The following KCNJ18 variants were observed in gnomAD, a reference collection of about 807,000 sequenced individuals.
KCNJ18 encodes potassium inwardly rectifying channel subfamily J member 18.
A neutral mutation model predicts 17.3 loss-of-function variants in KCNJ18; 16 were observed. That is an observed-to-expected ratio of 0.92 (90% confidence interval 0.62 to 1.40). The LOEUF (loss-of-function observed/expected upper bound fraction) is 1.40. Among genes scored for constraint, KCNJ18 ranks in the 40% most tolerant of loss-of-function variants. The probability of loss-of-function intolerance (pLI) is 0.00; values close to 1 mark genes in which losing one functional copy is unlikely to be tolerated. For synonymous variants in KCNJ18, 185 were observed against 262.6 expected (o/e 0.70, Z 2.86); for missense variants, 462 against 626.8 (o/e 0.74, Z 2.81).
intron 2 of KCNJ18, among the ~76,000 whole-genome samples, chr17:21,700,596 G>A (rs1477563349): frequency 9.0e-6 from 1 of 111,328 alleles, no homozygotes; most frequent in African/African-American, 3.2e-5. Context: ...GTTTGGAGCA[G>A]AGCTCAGAGG....
chr17:21,695,440 A>G (rs1905731381), intron 1 of KCNJ18, among the ~76,000 whole-genome samples: 1 of 140,284 alleles, frequency 7.1e-6, no homozygotes, highest in African/African-American at 2.6e-5. Flanking sequence ...CCACCTATCC[A>G]TCATCCATCC....
At chr17:21,697,812 G>A (rs1350722651) in intron 2 of KCNJ18, among the ~76,000 whole-genome samples, 8 of 152,310 alleles carry the variant, frequency 5.3e-5, no homozygotes, top group African/African-American at 1.7e-4. Flanking sequence ...CCCCAGTGCT[G>A]CATCTGATGA....
In KCNJ18 at chr17:21,702,728, C is replaced by T. The variant is rs1296552219; in HGVS notation, c.-56-3C>T. Reference sequence around the variant, plus strand: ...GCCAGACATGCTGTCCTCTCTGTTCCAGGAGCCGCCCTGCCTGGAGCTAGC... The same window carrying T: ...GCCAGACATGCTGTCCTCTCTGTTCTAGGAGCCGCCCTGCCTGGAGCTAGC... On this transcript the variant is annotated splice_region_variant and splice_polypyrimidine_tract_variant and intron_variant, in intron 2 of 2. Coordinates refer to ENST00000567955, the MANE Select transcript of KCNJ18 (RefSeq NM_001194958.2). 6 of 1,528,132 alleles carry T rather than the reference C, an allele frequency of 3.9e-6. No homozygotes were observed. Among genetic ancestry groups the T allele is most frequent in the Admixed American group, 2.0e-5 (1 of 51,188 alleles). 94.7% of individuals were successfully genotyped at this position (1,528,132 alleles called of 1,614,324 possible). A position where few individuals can be genotyped will look rare whatever the true frequency, so the allele number is the denominator to read the frequency against.
At chr17:21,693,723 G>A (rs1278917387) in intron 1 of KCNJ18, among the ~76,000 whole-genome samples, 3 of 152,406 alleles carry the variant, frequency 2.0e-5, no homozygotes, top group South Asian at 2.1e-4. Flanking sequence ...AGTCCCTGCC[G>A]TGGAGGTCCC....
Position 21,700,717 on chromosome 17 carries a change from T to G in KCNJ18, c.-56-2014T>G, listed in dbSNP as rs1206156513. ...CTCCTGCCTATGGGACTGGGACAAG[T>G]CCATTCTGGCTTCTGGGCCTCCAGG... On this transcript the variant is annotated intron_variant, in intron 2 of 2. Transcript: ENST00000567955. Among the ~76,000 whole-genome samples the G allele has an allele frequency of 3.5e-5, 3 of 86,798 alleles. 1 individual carries two copies. Among genetic ancestry groups the G allele is most frequent in the Non-Finnish European group, 6.9e-5 (3 of 43,258 alleles). The allele number at this position is 86,798 out of a possible 152,430, so 56.9% of individuals were successfully genotyped here. A position where few individuals can be genotyped will look rare whatever the true frequency, so the allele number is the denominator to read the frequency against.
chr17:21,702,849 C>T lies in KCNJ18; in HGVS notation c.63C>T (p.His21=). ...TGTCATTGGAGGAGGACGGGCTGCA[C>T]CTGGTCACCATGTCGGGCGCCAACG... The part of the protein sequence containing the change: ...SIVSLEEDGL[H]LVTMSGANGF... Residue 21 remains histidine, a synonymous_variant, in exon 3 of 3, where the codon CAC becomes CAT. Coordinates refer to ENST00000567955, the MANE Select transcript of KCNJ18 (RefSeq NM_001194958.2). The T allele has an allele frequency of 6.2e-7, 1 of 1,600,158 alleles. No homozygotes were observed. Among genetic ancestry groups the T allele is most frequent in the Non-Finnish European group, 8.5e-7 (1 of 1,178,120 alleles).
intron 2 of KCNJ18, among the ~76,000 whole-genome samples, chr17:21,701,917 GAAAAA>G (rs1158263106): frequency 3.8e-5 from 1 of 26,238 alleles, no homozygotes. Flanking sequence ...GTCTAAAAAA[GAAAAA>G]AAAAAGAAAA....
At position 21,702,826 on chromosome 17, in the gene KCNJ18, T is replaced by C. The variant is rs1845520562; in HGVS notation, c.40T>C (p.Ser14Pro). ...ASRANPYSIV[S>P]LEEDGLHLVT... ...CCGGGCCAACCCCTACAGCATCGTG[T>C]CATTGGAGGAGGACGGGCTGCACCT... is the stretch of plus-strand genomic sequence containing the variant. The change falls in exon 3 of 3, where the codon TCA becomes CCA. Residue 14 changes from serine (S) to proline (P), a missense_variant. Ser to Pro is a moderately conservative substitution (Grantham distance 74). Coordinates refer to ENST00000567955, the MANE Select transcript of KCNJ18 (RefSeq NM_001194958.2). 4 of 1,597,638 alleles carry C rather than the reference T, an allele frequency of 2.5e-6. No homozygotes were observed. In the Admixed American group the frequency reaches 6.7e-5, roughly 27 times the overall value.
In KCNJ18 at chr17:21,702,854, T is replaced by A; in HGVS notation, c.68T>A (p.Val23Asp). The A allele has an allele frequency of 1.2e-6, 2 of 1,600,376 alleles. No individual in the cohort carries two copies. The highest frequency in any genetic ancestry group is 4.5e-5 in the East Asian group (2 of 44,366). Residue 23 changes from valine (V) to aspartate (D), a missense_variant, in exon 3 of 3, where the codon GTC (valine) becomes GAC (aspartate). Val to Asp is a radical substitution (Grantham distance 152, BLOSUM62 -3). Around this residue, in one of 5 missense-constraint regions of KCNJ18, gnomAD observed 237 missense variants for 259.4 expected, o/e 0.91. Transcript: ENST00000567955. ...TTGGAGGAGGACGGGCTGCACCTGG[T>A]CACCATGTCGGGCGCCAACGGCTTC... ...VSLEEDGLHLVTMSGANGFGN... is the reference protein window; with the variant it reads ...VSLEEDGLHLDTMSGANGFGN...
At position 21,704,027 on chromosome 17, in the gene KCNJ18, G is replaced by C; in HGVS notation, c.1241G>C (p.Arg414Thr). 5 of 1,585,338 alleles carry C rather than the reference G, an allele frequency of 3.2e-6. No homozygotes were observed. The highest frequency in any genetic ancestry group is 4.3e-6 in the Non-Finnish European group (5 of 1,165,958). Residue 414 changes from arginine (R) to threonine (T), a missense_variant, in exon 3 of 3, where the codon AGA becomes ACA. Arg to Thr is a moderately conservative substitution (Grantham distance 71). Around this residue, in one of 5 missense-constraint regions of KCNJ18, gnomAD observed 123 missense variants for 117.5 expected, o/e 1.05. Coordinates refer to ENST00000567955, the MANE Select transcript of KCNJ18 (RefSeq NM_001194958.2). ...CCCCAGGCCAGGCATGACTTTGACA[G>C]ACTCCAGGCTGGCGGCGGGGTCCTG... ...LSPQARHDFD[R>T]LQAGGGVLEQ...
chr17:21,696,735 G>A (rs1181833651), intron 2 of KCNJ18, among the ~76,000 whole-genome samples: 4 of 152,122 alleles, frequency 2.6e-5, no homozygotes, highest in Admixed American at 1.3e-4. Flanking sequence ...CGGAGGAGAA[G>A]GCAGCTCAGT....
At position 21,701,625 on chromosome 17, in the gene KCNJ18, G is replaced by T. The variant is rs1191347222; in HGVS notation, c.-56-1106G>T. 1.2e-4 allele frequency among the ~76,000 whole-genome samples: 19 copies of T among 152,352 alleles called. No individual in the cohort carries two copies. The East Asian group carries it at 3.7e-3, about 29-fold the overall frequency. On this transcript the variant is annotated intron_variant, in intron 2 of 2. Transcript: ENST00000567955. ...TTCTAGGCCCTGGGAAGGACAACAA[G>T]AAGCAAAAGAGAAAACGTCTCACGC...
At chr17:21,700,140 G>A (rs1445399243) in intron 2 of KCNJ18, among the ~76,000 whole-genome samples, 1 of 152,178 alleles carries the variant, frequency 6.6e-6, no homozygotes, top group Non-Finnish European at 1.5e-5. Context: ...GGCAGAAGCA[G>A]TGTCCACCAT....
In KCNJ18 at chr17:21,704,141, G is replaced by A. The variant is rs1341586690; in HGVS notation, c.*53G>A. The A allele has an allele frequency of 5.4e-6, 8 of 1,473,100 alleles. No homozygotes were observed. The highest frequency in any genetic ancestry group is 2.5e-4 in the Middle Eastern group (1 of 3,976). 91.3% of individuals were successfully genotyped at this position (1,473,100 alleles called of 1,614,324 possible). ...ACCCCTGGCCGGGGAGAGGCCCCGC[G>A]GTCGCTCAGGGGCCCTGGGTTTGAG... On this transcript the variant is annotated 3_prime_UTR_variant, in exon 3 of 3. Coordinates refer to ENST00000567955, the MANE Select transcript of KCNJ18 (RefSeq NM_001194958.2).
At position 21,703,164 on chromosome 17, in the gene KCNJ18, G is replaced by C. The variant is rs1906028871; in HGVS notation, c.378G>C (p.Gln126His). The C allele has an allele frequency of 2.5e-6, 4 of 1,610,644 alleles. No individual in the cohort carries two copies. The highest frequency in any genetic ancestry group is 3.4e-6 in the Non-Finnish European group (4 of 1,179,132). ...EGHGRTPCVM[Q>H]VHGFMAAFLF... The stretch of plus-strand genomic sequence containing the variant: ...ACGGCCGCACACCCTGTGTGATGCA[G>C]GTGCACGGCTTCATGGCGGCCTTCC... The change falls in exon 3 of 3, where the codon CAG becomes CAC. Residue 126 changes from glutamine (Q) to histidine (H), a missense_variant. By Grantham distance (24) the Gln-to-His change is conservative. Transcript: ENST00000567955.
rs1279517677 is a variant in KCNJ18, at chr17:21,696,661, T to C, written c.-57+557T>C. 2.3e-3 allele frequency among the ~76,000 whole-genome samples: 351 copies of C among 152,178 alleles called. 1 individual carries two copies. Among genetic ancestry groups the C allele is most frequent in the Non-Finnish European group, 3.6e-3 (248 of 67,984 alleles). Reference sequence around the variant, plus strand: ...GGTGGGAAGTAGCTTCTGGCCTGAATGGGAAAAGCCCAGTGCTAGAGGATC... The same window carrying C: ...GGTGGGAAGTAGCTTCTGGCCTGAACGGGAAAAGCCCAGTGCTAGAGGATC... On this transcript the variant is annotated intron_variant, in intron 2 of 2. Coordinates refer to ENST00000567955, the MANE Select transcript of KCNJ18 (RefSeq NM_001194958.2).
intron 2 of KCNJ18, among the ~76,000 whole-genome samples, chr17:21,702,462 G>A (rs1444426718): frequency 6.6e-6 from 1 of 152,288 alleles, no homozygotes; most frequent in East Asian, 1.9e-4. Context: ...GTGGGAGAAG[G>A]GGTCGGATCC....
At chr17:21,694,975 C>T (rs1458869825) in intron 1 of KCNJ18, among the ~76,000 whole-genome samples, 13,126 of 127,596 alleles carry the variant, frequency 0.1, no homozygotes, top group Middle Eastern at 0.12. Flanking sequence ...AATCATCTGC[C>T]CATCCATCCA....
At chr17:21,699,286 T>A (rs1905860760) in intron 2 of KCNJ18, among the ~76,000 whole-genome samples, 4 of 152,140 alleles carry the variant, frequency 2.6e-5, no homozygotes, top group Non-Finnish European at 5.9e-5. Flanking sequence ...ATTTCTTAAA[T>A]TGCGACCTTG....
Sources: allele counts gnomAD v4.1 joint callset (sites outside exome capture counted in the v4.1 genomes callset), GRCh38; gene constraint gnomAD v4.1.1; regional missense constraint gnomAD v4.1.1; transcripts MANE v1.5; gene names NCBI Gene and HGNC (gene_info 2026-07-23, HGNC 2026-07-21).